TENM4: variants seen among roughly 807,000 people sequenced by gnomAD.
The protein encoded by TENM4 is teneurin transmembrane protein 4, also known as teneurin-4.
TENM4 carries 82 observed loss-of-function variants against 243.3 expected under a neutral mutation model. The ratio of observed to expected loss-of-function variants is 0.34; its 90% confidence interval spans 0.28 to 0.40. The LOEUF is 0.40. Among genes scored for constraint, TENM4 ranks in the 10% least tolerant of loss-of-function variants. The probability of loss-of-function intolerance (pLI) is 1.00; values close to 1 mark genes in which losing one functional copy is unlikely to be tolerated. For missense variants in TENM4, 3,138 were observed against 3,673.3 expected (o/e 0.85, Z 3.77); for synonymous variants, 1,412 against 1,456.3 (o/e 0.97, Z 0.69).
At chr11:78,710,960 G>A (rs1859383207) in intron 26 of TENM4, among the ~76,000 whole-genome samples, 1 of 152,192 alleles carries the variant, frequency 6.6e-6, no homozygotes, top group African/African-American at 2.4e-5. Flanking sequence ...GTAGAATGTT[G>A]TGGCTGCAAA....
intron 6 of TENM4, among the ~76,000 whole-genome samples, chr11:79,050,118 G>C (rs534761262): frequency 6.6e-6 from 1 of 152,314 alleles, no homozygotes; most frequent in South Asian, 2.1e-4. Context: ...CCCTGGACTG[G>C]GGAGATGATG....
rs199591207 is a variant in TENM4, at chr11:78,701,498, C to T, written c.5087+28G>A. ...CTACAATGAATTAATGAAACAAAAT[C>T]ATCAAATGGCCTTGTTTTAGTACTT... On this transcript the variant is annotated intron_variant, in intron 28 of 33. Transcript: ENST00000278550. The T allele has an allele frequency of 2.0e-5, 30 of 1,533,140 alleles. No individual in the cohort carries two copies. The African/African-American group carries it at 3.0e-4, about 15-fold the overall frequency. 95.0% of individuals were successfully genotyped at this position (1,533,140 alleles called of 1,614,324 possible). A position where few individuals can be genotyped will look rare whatever the true frequency, so the allele number is the denominator to read the frequency against.
Position 78,661,453 on chromosome 11 carries a change from C to A in TENM4, c.7547G>T (p.Ser2516Ile). The change falls in exon 33 of 34, where the codon AGC (serine) becomes ATC (isoleucine). Residue 2516 changes from serine (S) to isoleucine (I), a missense_variant. Ser to Ile is a moderately radical substitution (Grantham distance 142). This residue lies in a region of TENM4 where 2,467 missense variants were observed against 3,059.1 expected (regional missense o/e 0.81). Coordinates refer to ENST00000278550, the MANE Select transcript of TENM4 (RefSeq NM_001098816.3). ...TQMKTQEWDN[S>I]KSILGVQCEV... ...GCAGCCTTGTGCAGGAATTACCTTG[C>A]TGTTGTCCCACTCCTGCGTTTTCAT... 6.2e-7 allele frequency: 1 copy of A among 1,607,976 alleles called. No individual in the cohort carries two copies. The highest frequency in any genetic ancestry group is 8.5e-7 in the Non-Finnish European group (1 of 1,177,402).
At chr11:78,953,387 G>A (rs1337321506) in intron 6 of TENM4, among the ~76,000 whole-genome samples, 1 of 152,178 alleles carries the variant, frequency 6.6e-6, no homozygotes, top group African/African-American at 2.4e-5. Flanking sequence ...AAGAGTGTAG[G>A]AATCTGCTTG....
chr11:79,156,960 G>A (rs1353350373), intron 3 of TENM4, among the ~76,000 whole-genome samples: 1 of 152,166 alleles, frequency 6.6e-6, no homozygotes, highest in Non-Finnish European at 1.5e-5. Flanking sequence ...CAGGAGTGGG[G>A]ACCCTCTCTC....
intron 18 of TENM4, among the ~76,000 whole-genome samples, chr11:78,758,825 G>A (rs1192615820): frequency 6.6e-6 from 1 of 152,176 alleles, no homozygotes; most frequent in Non-Finnish European, 1.5e-5. Context: ...TAGACTGTCT[G>A]GGGTCAAATC....
intron 6 of TENM4, among the ~76,000 whole-genome samples, chr11:78,969,962 A>G (rs1452529626): frequency 6.6e-6 from 1 of 152,246 alleles, no homozygotes; most frequent in Non-Finnish European, 1.5e-5. Flanking sequence ...CAACCTTTCC[A>G]GAAACATTTT....
chr11:78,939,442 C>T (rs924477678), intron 6 of TENM4, among the ~76,000 whole-genome samples: 5 of 152,236 alleles, frequency 3.3e-5, no homozygotes, highest in Admixed American at 6.5e-5. Flanking sequence ...AATTTCACAA[C>T]AATGTCTTGT....
intron 2 of TENM4, among the ~76,000 whole-genome samples, chr11:79,278,069 C>T (rs1280105893): frequency 6.6e-6 from 1 of 152,202 alleles, no homozygotes; most frequent in Admixed American, 6.5e-5. Context: ...CTCAAGTTCA[C>T]TCAGAGAAGA....
intron 2 of TENM4, among the ~76,000 whole-genome samples, chr11:79,230,026 G>A (rs1315447827): frequency 3.4e-5 from 5 of 145,860 alleles, no homozygotes; most frequent in African/African-American, 1.3e-4. Context: ...AGTAGAGACT[G>A]CGTCTTGCTA....
chr11:79,405,484 A>C (rs1382261121), intron 1 of TENM4, among the ~76,000 whole-genome samples: 2 of 151,964 alleles, frequency 1.3e-5, no homozygotes, highest in Non-Finnish European at 2.9e-5. Context: ...GAATGTAAAA[A>C]AAAAAAAAAA....
Position 78,672,024 on chromosome 11 carries a change from G to A in TENM4, c.5793+9C>T. 6.2e-7 allele frequency: 1 copy of A among 1,608,618 alleles called. No homozygotes were observed. Among genetic ancestry groups the A allele is most frequent in the South Asian group, 1.1e-5 (1 of 90,218 alleles). ...GCAAGGCCAGTGATGCAGGGAGACA[G>A]ACACCTGCCTTCTCTAAGTATGTGT... On this transcript the variant is annotated intron_variant, in intron 31 of 33. Coordinates refer to ENST00000278550, the MANE Select transcript of TENM4 (RefSeq NM_001098816.3).
chr11:78,779,500 A>T (rs1482181000), intron 16 of TENM4, among the ~76,000 whole-genome samples: 1 of 152,214 alleles, frequency 6.6e-6, no homozygotes, highest in Non-Finnish European at 1.5e-5. Context: ...GCTCTGAAAT[A>T]AACCCCACTG....
At chr11:79,318,916 CT>C (rs1469132614) in intron 1 of TENM4, among the ~76,000 whole-genome samples, 1 of 152,154 alleles carries the variant, frequency 6.6e-6, no homozygotes, top group Non-Finnish European at 1.5e-5. Flanking sequence ...GACTGGATGG[CT>C]GTCATGGATG....
chr11:79,171,004 G>C (rs1863027944), intron 3 of TENM4, among the ~76,000 whole-genome samples: 1 of 152,140 alleles, frequency 6.6e-6, no homozygotes, highest in Non-Finnish European at 1.5e-5. Context: ...TTGAGAAAGA[G>C]AGGACTGTGC....
intron 1 of TENM4, among the ~76,000 whole-genome samples, chr11:79,370,069 C>T (rs1160341448): frequency 6.6e-6 from 1 of 152,188 alleles, no homozygotes; most frequent in African/African-American, 2.4e-5. Context: ...CAAACTCCCC[C>T]TGCCCTGCTT....
At chr11:79,345,286 G>T (rs1468152327) in intron 1 of TENM4, among the ~76,000 whole-genome samples, 4 of 152,108 alleles carry the variant, frequency 2.6e-5, no homozygotes, top group Non-Finnish European at 4.4e-5. Context: ...GATATTCATT[G>T]TTCTTGGGTT....
rs948938993 is a variant in TENM4 at position 78,838,061 on chromosome 11, G to A, written c.1681+16043C>T. The stretch of plus-strand genomic sequence containing the variant: ...GCAACTAGTAATATATATTGGTATA[G>A]TTCCACCGCAGCCTCAATGGGATTG... On this transcript the variant is annotated intron_variant, in intron 12 of 33. Transcript: ENST00000278550. Among the ~76,000 whole-genome samples, 3 of 152,202 alleles carry A rather than the reference G, an allele frequency of 2.0e-5. No individual in the cohort carries two copies. In the East Asian group the frequency reaches 5.8e-4, roughly 29 times the overall value.
intron 6 of TENM4, among the ~76,000 whole-genome samples, chr11:78,935,275 T>G (rs967584036): frequency 6.6e-6 from 1 of 151,790 alleles, no homozygotes; most frequent in Non-Finnish European, 1.5e-5. Context: ...CCTCCCAAAG[T>G]GCTGGGATTA....
Sources: allele counts gnomAD v4.1 joint callset (sites outside exome capture counted in the v4.1 genomes callset), GRCh38; gene constraint gnomAD v4.1.1; regional missense constraint gnomAD v4.1.1; transcripts MANE v1.5; gene names NCBI Gene and HGNC (gene_info 2026-07-23, HGNC 2026-07-21).